The following MMP26 variants were observed in gnomAD, a reference collection of about 807,000 sequenced individuals.
MMP26 encodes the protein matrix metalloproteinase-26.
In MMP26, 33 loss-of-function variants were observed where a neutral mutation model predicts 31.0. That is an observed-to-expected ratio of 1.06 (90% CI 0.81 to 1.42). The LOEUF is 1.42. Ranked by LOEUF, MMP26 falls within the 40% of genes most tolerant of loss-of-function variation. MMP26 has a pLI of 0.00. For missense variants in MMP26, 347 were observed against 316.1 expected (o/e 1.10, Z -0.74); for synonymous variants, 122 against 114.9 (o/e 1.06, Z -0.40).
intron 1 of MMP26, among the ~76,000 whole-genome samples, chr11:4,754,613 A>G (rs1040137063): frequency 6.6e-6 from 1 of 151,960 alleles, no homozygotes; most frequent in Non-Finnish European, 1.5e-5. Context: ...GTTTATTCTC[A>G]TTAAGCGTGC....
At chr11:4,705,321 G>T (rs887018598) in intron 1 of MMP26, among the ~76,000 whole-genome samples, 1 of 152,204 alleles carries the variant, frequency 6.6e-6, no homozygotes, top group African/African-American at 2.4e-5. Context: ...ATGGCGTTTG[G>T]AGTAAGAACA....
At chr11:4,921,844 T>C (rs1851189211) in intron 2 of MMP26, among the ~76,000 whole-genome samples, 1 of 152,188 alleles carries the variant, frequency 6.6e-6, no homozygotes. Context: ...TTAAAAGTTA[T>C]TGCTTTTAAA....
chr11:4,767,664 G>A (rs1378590160), intron 2 of MMP26, among the ~76,000 whole-genome samples: 1 of 152,002 alleles, frequency 6.6e-6, no homozygotes, highest in Non-Finnish European at 1.5e-5. Context: ...CATTATCAGT[G>A]ATTTCAAGCT....
intron 2 of MMP26, chr11:4,860,489 T>A: frequency 2.1e-6 from 1 of 471,082 alleles, no homozygotes; most frequent in Non-Finnish European, 4.4e-6. Context: ...AACCATGGGT[T>A]CTTGTCTGGC....
chr11:4,869,472 C>G (rs1176909792), intron 2 of MMP26, among the ~76,000 whole-genome samples: 1 of 152,174 alleles, frequency 6.6e-6, no homozygotes, highest in Non-Finnish European at 1.5e-5. Flanking sequence ...GAAAAATGCT[C>G]ATCATCACTG....
chr11:4,843,817 A>G (rs908993650), intron 2 of MMP26, among the ~76,000 whole-genome samples: 5 of 152,322 alleles, frequency 3.3e-5, no homozygotes, highest in Admixed American at 6.5e-5. Flanking sequence ...TCCCAAACTC[A>G]TATGTTCTGC....
intron 2 of MMP26, among the ~76,000 whole-genome samples, chr11:4,982,950 C>T (rs1387313015): frequency 1.3e-5 from 2 of 152,208 alleles, no homozygotes; most frequent in African/African-American, 4.8e-5. Flanking sequence ...TAAGATCTCA[C>T]TCCAATTAGC....
intron 2 of MMP26, among the ~76,000 whole-genome samples, chr11:4,795,718 A>G (rs996290185): frequency 1.3e-5 from 2 of 152,206 alleles, no homozygotes; most frequent in Non-Finnish European, 2.9e-5. Flanking sequence ...AAATTACTTT[A>G]TTATGCCTGT....
chr11:4,841,059 TG>T (rs1267741073), intron 2 of MMP26, among the ~76,000 whole-genome samples: 1 of 152,174 alleles, frequency 6.6e-6, no homozygotes. Context: ...ACAGAATTAA[TG>T]AAGCAGAACA....
chr11:4,965,400 G>C (rs1182050631), intron 2 of MMP26, among the ~76,000 whole-genome samples: 1 of 152,116 alleles, frequency 6.6e-6, no homozygotes, highest in Non-Finnish European at 1.5e-5. Context: ...TTCTAGATTA[G>C]GTACAGATAT....
At chr11:4,984,292 A>T (rs1386625342) in intron 2 of MMP26, among the ~76,000 whole-genome samples, 1 of 152,200 alleles carries the variant, frequency 6.6e-6, no homozygotes. Flanking sequence ...ATGACAATTA[A>T]ATGACCTCAA....
intron 2 of MMP26, among the ~76,000 whole-genome samples, chr11:4,941,224 G>T (rs1294789776): frequency 1.3e-5 from 2 of 152,132 alleles, no homozygotes; most frequent in Admixed American, 6.5e-5. Flanking sequence ...TTACTTTGTA[G>T]GCAGAAGATT....
chr11:4,763,396 A>G (rs1564903559), intron 1 of MMP26, among the ~76,000 whole-genome samples: 1 of 152,256 alleles, frequency 6.6e-6, no homozygotes, highest in Non-Finnish European at 1.5e-5. Context: ...TGAGGAAGGC[A>G]TAGTCAGGTT....
At chr11:4,898,829 CTCTGTGTGTGTGTG>C (rs1458485660) in intron 2 of MMP26, among the ~76,000 whole-genome samples, 21,457 of 125,048 alleles carry the variant, frequency 0.17, 1,881 homozygotes, top group East Asian at 0.33. Flanking sequence ...CTCTCTCTCT[CTCTGTGTGTGTGTG>C]TGTGTGTGTG....
intron 1 of MMP26, among the ~76,000 whole-genome samples, chr11:4,754,619 C>G (rs544293766): frequency 6.6e-6 from 1 of 151,992 alleles, no homozygotes; most frequent in African/African-American, 2.4e-5. Context: ...TCTCATTAAG[C>G]GTGCCCATTT....
intron 2 of MMP26, chr11:4,804,075 G>C (rs750532090): frequency 5.0e-6 from 8 of 1,613,966 alleles, no homozygotes; most frequent in Non-Finnish European, 5.1e-6. Flanking sequence ...AGAACACCTG[G>C]ATGAGGCAGG....
chr11:4,784,414 A>T (rs1402063145), intron 2 of MMP26, among the ~76,000 whole-genome samples: 1 of 152,220 alleles, frequency 6.6e-6, no homozygotes, highest in Non-Finnish European at 1.5e-5. Context: ...CTGTGAATAT[A>T]ACCTTGTTTG....
rs138342682 is a variant in MMP26, at chr11:4,770,845, A to C, written c.-145+3504A>C. On this transcript the variant is annotated intron_variant, in intron 2 of 7. Coordinates refer to ENST00000380390, the MANE Select transcript of MMP26 (RefSeq NM_021801.5). ...TGACAGTGAGAGACTCCGTCTAAAA[A>C]AGAAGAAAAAAAAAAAACATGGTGT... Among the ~76,000 whole-genome samples the C allele has an allele frequency of 3.4e-3, 512 of 152,256 alleles. 4 individuals carry two copies. Among genetic ancestry groups the C allele is most frequent in the African/African-American group, 0.012 (490 of 41,558 alleles).
chr11:4,748,955 A>T (rs1848414559), intron 1 of MMP26, among the ~76,000 whole-genome samples: 1 of 152,062 alleles, frequency 6.6e-6, no homozygotes, highest in African/African-American at 2.4e-5. Context: ...GCAATCAGGC[A>T]AGAGAAAAAA....
Sources: gnomAD v4.1 joint callset for allele counts (sites outside exome capture counted in the v4.1 genomes callset) on GRCh38, gnomAD v4.1.1 for gene constraint, MANE v1.5 for transcripts, NCBI Gene and HGNC (gene_info 2026-07-23, HGNC 2026-07-21) for gene names.